Variants in FSTL5 observed in about 807,000 individuals in gnomAD.
FSTL5 encodes the protein follistatin like 5, also known as follistatin-related protein 5.
FSTL5 carries 62 observed loss-of-function variants against 89.1 expected under a neutral mutation model. The observed-to-expected ratio is 0.70, with a 90% CI of 0.57 to 0.86. The LOEUF (loss-of-function observed/expected upper bound fraction) is 0.86. FSTL5 is among the 40% of genes least tolerant of loss of function. FSTL5 has a pLI of 0.00. For synonymous variants in FSTL5, 383 were observed against 346.2 expected (o/e 1.11, Z -1.18); for missense variants, 1,057 against 1,001.6 (o/e 1.06, Z -0.75).
intron 3 of FSTL5, among the ~76,000 whole-genome samples, chr4:161,993,501 T>C (rs1386420451): frequency 2.0e-5 from 3 of 152,156 alleles, no homozygotes; most frequent in Non-Finnish European, 2.9e-5. Context: ...TGGAAAACTA[T>C]ATTTTTAATG....
chr4:162,054,493 C>T (rs1738476328), intron 2 of FSTL5, among the ~76,000 whole-genome samples: 1 of 151,658 alleles, frequency 6.6e-6, no homozygotes, highest in South Asian at 2.1e-4. Context: ...AATGACATTA[C>T]CACTATTTGA....
chr4:161,453,064 A>G (rs1444166878), intron 15 of FSTL5, among the ~76,000 whole-genome samples: 1 of 152,154 alleles, frequency 6.6e-6, no homozygotes, highest in Non-Finnish European at 1.5e-5. Context: ...TACAAATAGC[A>G]CTTACTGCAT....
At chr4:161,747,212 T>C (rs1740231204) in intron 6 of FSTL5, among the ~76,000 whole-genome samples, 1 of 152,228 alleles carries the variant, frequency 6.6e-6, no homozygotes, top group Non-Finnish European at 1.5e-5. Flanking sequence ...GAAATATTAA[T>C]CTAAATAGGT....
Position 162,111,363 on chromosome 4 carries a change from C to G in FSTL5, c.34G>C (p.Gly12Arg). ...CCTTCCGACTCCAGAAAAATGAATC[C>G]GAGAACCAAGACAACTGACCAGCAC... ...FKCWSVVLVLGFIFLESEGRP... is the reference protein window; with the variant it reads ...FKCWSVVLVLRFIFLESEGRP... Residue 12 changes from glycine (G) to arginine (R), a missense_variant, in exon 2 of 16, where the codon GGA becomes CGA. This residue lies in a region of FSTL5 where 980 missense variants were observed against 903.2 expected (regional missense o/e 1.08). Coordinates refer to ENST00000306100, the MANE Select transcript of FSTL5 (RefSeq NM_020116.5). 6.2e-7 allele frequency: 1 copy of G among 1,612,242 alleles called. No homozygotes were observed. Among genetic ancestry groups the G allele is most frequent in the South Asian group, 1.1e-5 (1 of 90,954 alleles).
chr4:161,834,565 C>G (rs1335901759), intron 4 of FSTL5, among the ~76,000 whole-genome samples: 2 of 152,144 alleles, frequency 1.3e-5, no homozygotes, highest in East Asian at 3.8e-4. Context: ...ATTGTCTTAG[C>G]CCAAAATCTC....
chr4:161,497,111 T>C (rs1730113323), intron 12 of FSTL5, among the ~76,000 whole-genome samples: 1 of 152,174 alleles, frequency 6.6e-6, no homozygotes, highest in African/African-American at 2.4e-5. Flanking sequence ...AATTATTTAG[T>C]TCAACACTTA....
chr4:161,975,368 G>C (rs1438476213), intron 3 of FSTL5, among the ~76,000 whole-genome samples: 1 of 152,140 alleles, frequency 6.6e-6, no homozygotes, highest in Non-Finnish European at 1.5e-5. Flanking sequence ...GTCCAACAGT[G>C]ATAGACTGGA....
intron 8 of FSTL5, among the ~76,000 whole-genome samples, chr4:161,585,385 G>C (rs1014630234): frequency 1.3e-5 from 2 of 152,132 alleles, no homozygotes; most frequent in African/African-American, 4.8e-5. Flanking sequence ...ATTCCTGAGA[G>C]TGCTGGTGAA....
chr4:161,867,391 T>C (rs1209306248), intron 4 of FSTL5, among the ~76,000 whole-genome samples: 5 of 151,926 alleles, frequency 3.3e-5, no homozygotes, highest in East Asian at 1.9e-4. Flanking sequence ...TTCTGCATGA[T>C]GGAAGTTGAT....
chr4:161,803,242 C>T (rs941060932), intron 4 of FSTL5, among the ~76,000 whole-genome samples: 1 of 151,904 alleles, frequency 6.6e-6, no homozygotes, highest in Non-Finnish European at 1.5e-5. Flanking sequence ...ACGACTATAT[C>T]TACAAGATTC....
At chr4:162,145,867 G>A (rs1732952965) in intron 1 of FSTL5, among the ~76,000 whole-genome samples, 1 of 152,138 alleles carries the variant, frequency 6.6e-6, no homozygotes, top group South Asian at 2.1e-4. Context: ...TCCAAGGCCA[G>A]TGGAGAGACT....
At chr4:162,105,732 AT>A (rs1731201340) in intron 2 of FSTL5, among the ~76,000 whole-genome samples, 1 of 152,198 alleles carries the variant, frequency 6.6e-6, no homozygotes, top group African/African-American at 2.4e-5. Flanking sequence ...TAGTTAATTA[AT>A]TCTTCAACTA....
intron 2 of FSTL5, chr4:162,041,929 T>C (rs1737976926): frequency 1.3e-5 from 2 of 152,158 alleles, no homozygotes; most frequent in South Asian, 4.1e-4. Flanking sequence ...GGAGGACGCA[T>C]CACCTGAAGT....
At chr4:161,808,672 G>T (rs939098554) in intron 4 of FSTL5, among the ~76,000 whole-genome samples, 1 of 151,874 alleles carries the variant, frequency 6.6e-6, no homozygotes, top group African/African-American at 2.4e-5. Context: ...ATTGAAAACT[G>T]TTCACCAAAG....
intron 7 of FSTL5, among the ~76,000 whole-genome samples, chr4:161,639,155 C>A (rs1178375831): frequency 6.6e-6 from 1 of 151,540 alleles, no homozygotes; most frequent in African/African-American, 2.4e-5. Context: ...AGTTGTTAAG[C>A]AATTAAACCA....
intron 3 of FSTL5, among the ~76,000 whole-genome samples, chr4:162,009,062 T>C (rs922926): frequency 0.02 from 3,052 of 152,194 alleles, 148 homozygotes; most frequent in East Asian, 0.19. Context: ...AAATTACATA[T>C]GTTTAAACTA....
At chr4:161,394,422 C>T (rs1005148336) in intron 15 of FSTL5, among the ~76,000 whole-genome samples, 4 of 151,996 alleles carry the variant, frequency 2.6e-5, no homozygotes, top group South Asian at 2.1e-4. Flanking sequence ...ATCACAGAGG[C>T]GTGCCACCGT....
At chr4:161,760,938 T>C (rs1332428056) in intron 5 of FSTL5, among the ~76,000 whole-genome samples, 1 of 152,212 alleles carries the variant, frequency 6.6e-6, no homozygotes, top group Non-Finnish European at 1.5e-5. Flanking sequence ...AAAATGGAGC[T>C]AAGCATCTGG....
chr4:161,880,002 T>A (rs1046158808), intron 4 of FSTL5, among the ~76,000 whole-genome samples: 5 of 152,220 alleles, frequency 3.3e-5, no homozygotes. Flanking sequence ...GAGTTGTTAA[T>A]CATGTCAGTA....
Sources: gnomAD v4.1 joint callset for allele counts (sites outside exome capture counted in the v4.1 genomes callset) on GRCh38, gnomAD v4.1.1 for gene constraint, gnomAD v4.1.1 regional missense constraint, MANE v1.5 for transcripts, NCBI Gene and HGNC (gene_info 2026-07-23, HGNC 2026-07-21) for gene names.